Variants in ATP6V0A4 observed in about 807,000 individuals in gnomAD.
The protein encoded by ATP6V0A4 is ATPase H+ transporting V0 subunit a4.
ATP6V0A4 carries 86 observed loss-of-function variants against 107.3 expected under a neutral mutation model. That is an observed-to-expected ratio of 0.80 (90% CI 0.67 to 0.96). The LOEUF (loss-of-function observed/expected upper bound fraction) is 0.96. Ranked by LOEUF, ATP6V0A4 falls within the 40% of genes least tolerant of loss-of-function variation. The probability of loss-of-function intolerance (pLI) is 0.00; values close to 1 mark genes in which losing one functional copy is unlikely to be tolerated. For missense variants in ATP6V0A4, 908 were observed against 1,045.6 expected (o/e 0.87, Z 1.81); for synonymous variants, 353 against 381.4 (o/e 0.93, Z 0.87).
At chr7:138,736,022 C>T (rs539419985) in intron 15 of ATP6V0A4, among the ~76,000 whole-genome samples, 4 of 145,580 alleles carry the variant, frequency 2.7e-5, no homozygotes, top group South Asian at 4.3e-4. Context: ...GAGCCGAGAT[C>T]GCACAATTGC....
Position 138,771,209 on chromosome 7 carries a change from T to C in ATP6V0A4, c.39A>G (p.Ser13=). 1 of 1,614,106 alleles carries C rather than the reference T, an allele frequency of 6.2e-7. No homozygotes were observed. The highest frequency in any genetic ancestry group is 1.7e-5 in the Admixed American group (1 of 60,010). The change falls in exon 3 of 22, where the codon TCA becomes TCG. Residue 13 remains serine (S), a synonymous_variant. Coordinates refer to ENST00000310018, the MANE Select transcript of ATP6V0A4 (RefSeq NM_020632.3). ...SVFRSEEMCL[S]QLFLQVEAAY... is the part of the protein sequence containing the mutation. ...CAGCTTCCACCTGGAGAAACAGTTG[T>C]GACAAACACATCTCCTCGCTTCGAA...
intron 14 of ATP6V0A4, among the ~76,000 whole-genome samples, chr7:138,743,239 A>G (rs1411070961): frequency 1.3e-5 from 2 of 152,066 alleles, no homozygotes; most frequent in Non-Finnish European, 2.9e-5. Context: ...AGGTGGATCA[A>G]TTCAGGCCAG....
intron 20 of ATP6V0A4, among the ~76,000 whole-genome samples, chr7:138,711,880 C>T (rs547683463): frequency 6.6e-6 from 1 of 152,368 alleles, no homozygotes; most frequent in South Asian, 2.1e-4. Flanking sequence ...TACTCCTGTG[C>T]ACTGATGTGC....
At chr7:138,785,392 C>T (rs2130203211) in intron 2 of ATP6V0A4, among the ~76,000 whole-genome samples, 1 of 151,882 alleles carries the variant, frequency 6.6e-6, no homozygotes, top group Admixed American at 6.6e-5. Context: ...TCTCCTGCCT[C>T]AGCCTCTTGA....
intron 8 of ATP6V0A4, 55 bp downstream of exon 8, chr7:138,759,697 C>T (rs898377458): frequency 5.7e-6 from 9 of 1,591,354 alleles, no homozygotes; most frequent in Non-Finnish European, 7.8e-6. Context: ...CGAAGCGCTT[C>T]TGCTGAGGGC....
At position 138,773,684 on chromosome 7, in the gene ATP6V0A4, C is replaced by G. The variant is rs1339256216; in HGVS notation, c.-17-2420G>C. The G allele has an allele frequency of 6.6e-6, 1 of 152,420 alleles. No individual in the cohort carries two copies. The highest frequency in any genetic ancestry group is 1.5e-5 in the Non-Finnish European group (1 of 68,212). The allele number at this position is 152,420 out of a possible 1,614,324, so 9.4% of individuals were successfully genotyped here. ...CACATGGTCTGGGCCCACATTTGTG[C>G]CTTTTGACACCAAGATGAATTCAAA... On this transcript the variant is annotated intron_variant, in intron 2 of 21. Coordinates refer to ENST00000310018, the MANE Select transcript of ATP6V0A4 (RefSeq NM_020632.3). The surrounding 1 kb of genome is among the most constrained non-coding windows in gnomAD (Gnocchi z 5.4).
chr7:138,735,541 T>A (rs574824753), intron 15 of ATP6V0A4, among the ~76,000 whole-genome samples: 1 of 152,286 alleles, frequency 6.6e-6, no homozygotes, highest in Admixed American at 6.5e-5. Flanking sequence ...CACTGATCCT[T>A]CCTTTGCAAT....
rs35618960 is a variant in ATP6V0A4 at position 138,715,507 on chromosome 7, GTGT to G, written c.2257+254_2257+256del. 0.16 allele frequency among the ~76,000 whole-genome samples: 24,018 copies of G among 148,540 alleles called. 2,367 individuals are homozygous for G. The highest frequency in any genetic ancestry group is 0.29 in the African/African-American group (11,684 of 39,644). ...TGAGCCACCGTGCCCGGCCAAATTTGTGTTGTTTTAAGCCACGAGTGTTTGTGA... is the reference window on the plus strand; with the variant it reads ...TGAGCCACCGTGCCCGGCCAAATTTGTGTTTTAAGCCACGAGTGTTTGTGA... On this transcript the variant is annotated intron_variant, in intron 20 of 21. Coordinates refer to ENST00000310018, the MANE Select transcript of ATP6V0A4 (RefSeq NM_020632.3).
intron 2 of ATP6V0A4, among the ~76,000 whole-genome samples, chr7:138,784,241 T>TATAC (rs1563020784): frequency 0.01 from 403 of 39,466 alleles, 17 homozygotes; most frequent in African/African-American, 0.029. Context: ...TATACGTATA[T>TATAC]ATATATATAT....
rs66577110 is a variant in ATP6V0A4 at position 138,752,381 on chromosome 7, T to A, written c.1029+244A>T. Among the ~76,000 whole-genome samples, 31,348 of 149,786 alleles carry A rather than the reference T, an allele frequency of 0.21. 3,453 individuals carry two copies. Among genetic ancestry groups the A allele is most frequent in the Middle Eastern group, 0.26 (76 of 292 alleles). ...CGAGATTCTATTTTTTTTTTTTTTT[T>A]AAAAAAACCTCAATACGTACTCACA... On this transcript the variant is annotated intron_variant, in intron 11 of 21. Transcript: ENST00000310018.
At chr7:138,711,278 G>A (rs560990390) in intron 20 of ATP6V0A4, among the ~76,000 whole-genome samples, 54 of 152,150 alleles carry the variant, frequency 3.5e-4, no homozygotes, top group Non-Finnish European at 5.1e-4. Flanking sequence ...ACCCGGACTC[G>A]TAGCTGAGCC....
chr7:138,780,523 T>G (rs1031031640), intron 2 of ATP6V0A4, among the ~76,000 whole-genome samples: 8 of 152,154 alleles, frequency 5.3e-5, no homozygotes, highest in Non-Finnish European at 1.2e-4. Context: ...TCTTGAGGGC[T>G]CAGTGTTGAT....
intron 2 of ATP6V0A4, among the ~76,000 whole-genome samples, chr7:138,775,805 C>G (rs1347820494): frequency 2.6e-5 from 4 of 152,046 alleles, no homozygotes; most frequent in African/African-American, 9.7e-5. Context: ...CGCCCGCCAC[C>G]ACGCCCAGCT....
At chr7:138,796,160 T>C (rs565970808) in intron 1 of ATP6V0A4, among the ~76,000 whole-genome samples, 2 of 152,294 alleles carry the variant, frequency 1.3e-5, no homozygotes, top group South Asian at 2.1e-4. Context: ...GTCCTCTCTG[T>C]GGGGACCTTG....
At chr7:138,779,373 T>A (rs1245552657) in intron 2 of ATP6V0A4, among the ~76,000 whole-genome samples, 2 of 151,666 alleles carry the variant, frequency 1.3e-5, no homozygotes, top group Non-Finnish European at 2.9e-5. Flanking sequence ...AATAAAAGAT[T>A]GTAATATTGG....
At chr7:138,712,083 C>A (rs1037402183) in intron 20 of ATP6V0A4, among the ~76,000 whole-genome samples, 1 of 152,176 alleles carries the variant, frequency 6.6e-6, no homozygotes, top group East Asian at 1.9e-4. Flanking sequence ...CAGGCGTGTG[C>A]CACCACACCC....
At chr7:138,765,132 C>T (rs1807021359) in intron 5 of ATP6V0A4, among the ~76,000 whole-genome samples, 1 of 152,018 alleles carries the variant, frequency 6.6e-6, no homozygotes, top group Non-Finnish European at 1.5e-5. Flanking sequence ...AATGATAATC[C>T]TGTAAATGTT....
intron 17 of ATP6V0A4, 146 bp downstream of exon 17, chr7:138,732,731 T>C (rs1281760177): frequency 1.0e-5 from 9 of 870,364 alleles, no homozygotes; most frequent in Non-Finnish European, 5.2e-6. Context: ...GAGGTGGAGG[T>C]TGCAGTGAGT....
chr7:138,768,823 T>C lies in ATP6V0A4; in HGVS notation c.248A>G (p.Lys83Arg). The change falls in exon 5 of 22, where the codon AAA becomes AGA. Residue 83 changes from lysine (K) to arginine (R), a missense_variant. Lys to Arg is a conservative substitution (Grantham distance 26, BLOSUM62 2). Transcript: ENST00000310018. ...CCGTGGGAGCGGGGTCAGTGGGCTT[T>C]TCTCGAGCAACTGAACTACAATCTC... The part of the protein sequence containing the change: ...QNEIVVQLLE[K>R]SPLTPLPREM... 6.2e-7 allele frequency: 1 copy of C among 1,614,222 alleles called. No individual in the cohort carries two copies. Among genetic ancestry groups the C allele is most frequent in the Non-Finnish European group, 8.5e-7 (1 of 1,180,040 alleles).
Sources: gnomAD v4.1 joint callset for allele counts (sites outside exome capture counted in the v4.1 genomes callset) on GRCh38, gnomAD v4.1.1 for gene constraint, Gnocchi (gnomAD v3.1) non-coding constraint, MANE v1.5 for transcripts, NCBI Gene and HGNC (gene_info 2026-07-23, HGNC 2026-07-21) for gene names.